Variants in NPAS3 observed in about 807,000 individuals in gnomAD.
NPAS3 encodes the protein neuronal PAS domain protein 3, also known as neuronal PAS domain-containing protein 3.
In NPAS3, 14 loss-of-function variants were observed where a neutral mutation model predicts 73.1. That is an observed-to-expected ratio of 0.19 (90% CI 0.13 to 0.30). The LOEUF is 0.30. NPAS3 is among the 10% of genes least tolerant of loss of function. The probability of loss-of-function intolerance (pLI) is 1.00; values close to 1 mark genes in which losing one functional copy is unlikely to be tolerated. For missense variants in NPAS3, 1,096 were observed against 1,250.0 expected, an observed-to-expected ratio of 0.88 and a Z score of 1.86; for synonymous variants, 620 against 541.5, an observed-to-expected ratio of 1.14 and a Z score of -2.01.
chr14:33,753,369 A>AAAAAAAAAAAC (rs2062020724), intron 7 of NPAS3, among the ~76,000 whole-genome samples: 1 of 152,060 alleles, frequency 6.6e-6, no homozygotes, highest in African/African-American at 2.4e-5. Flanking sequence ...AAAAAAAAAA[A>AAAAAAAAAAAC]AAAACGTACA....
intron 5 of NPAS3, among the ~76,000 whole-genome samples, chr14:33,613,941 G>C (rs2057834481): frequency 1.3e-5 from 2 of 152,108 alleles, no homozygotes; most frequent in Admixed American, 1.3e-4. Flanking sequence ...CAACCTGTCA[G>C]ATTCCAAATT....
chr14:32,992,080 G>C lies in NPAS3; in HGVS notation c.50+52714G>C, dbSNP rs555457501. On this transcript the variant is annotated intron_variant, in intron 1 of 11. Transcript: ENST00000356141. The stretch of plus-strand genomic sequence containing the variant: ...GGCCCAGTGAGCCTGGAGTCAGAAT[G>C]GGGGAGTTGGAGGAATCAAACTGTG... Among the ~76,000 whole-genome samples the C allele has an allele frequency of 7.3e-4, 111 of 152,308 alleles. 1 individual carries two copies. The highest frequency in any genetic ancestry group is 2.6e-3 in the African/African-American group (107 of 41,566).
At chr14:33,318,798 G>T (rs1185996750) in intron 3 of NPAS3, among the ~76,000 whole-genome samples, 1 of 152,040 alleles carries the variant, frequency 6.6e-6, no homozygotes, top group Non-Finnish European at 1.5e-5. Context: ...TATCCTTCAA[G>T]TTACAACTTA....
chr14:33,245,951 A>T (rs1333045166), intron 3 of NPAS3, among the ~76,000 whole-genome samples: 1 of 151,468 alleles, frequency 6.6e-6, no homozygotes, highest in East Asian at 1.9e-4. Flanking sequence ...CTGGCTCACC[A>T]ACTTCCATGA....
intron 5 of NPAS3, among the ~76,000 whole-genome samples, chr14:33,564,896 C>G (rs2055850107): frequency 6.6e-6 from 1 of 152,140 alleles, no homozygotes; most frequent in Non-Finnish European, 1.5e-5. Flanking sequence ...AGAAAATACC[C>G]TACGTGCCAG....
chr14:33,467,451 G>A (rs1278033477), intron 4 of NPAS3, among the ~76,000 whole-genome samples: 1 of 152,200 alleles, frequency 6.6e-6, no homozygotes, highest in Non-Finnish European at 1.5e-5. Flanking sequence ...ACTATACACT[G>A]GAGGAGGAAA....
intron 1 of NPAS3, among the ~76,000 whole-genome samples, chr14:32,980,115 C>T (rs1022780819): frequency 6.6e-6 from 1 of 152,160 alleles, no homozygotes; most frequent in African/African-American, 2.4e-5. Context: ...TACATTTCCT[C>T]TTGTGTGTCT....
At chr14:33,609,740 T>G (rs1475622095) in intron 5 of NPAS3, among the ~76,000 whole-genome samples, 1 of 152,100 alleles carries the variant, frequency 6.6e-6, no homozygotes, top group African/African-American at 2.4e-5. Flanking sequence ...TAATTCTTAT[T>G]CTTTTTCATC....
rs1179226321 is a variant in NPAS3, at chr14:33,070,114, A to AT, written c.140+14124dup. On this transcript the variant is annotated intron_variant, in intron 2 of 11. Coordinates refer to ENST00000356141, the Ensembl canonical transcript of NPAS3. Reference sequence around the variant, plus strand: ...AATGTGTATTAAAATGAGAAAAATAATTTTCAGGATAGATATGACTCCTAG... The same window carrying AT: ...AATGTGTATTAAAATGAGAAAAATAATTTTTCAGGATAGATATGACTCCTAG... 2.0e-5 allele frequency among the ~76,000 whole-genome samples: 3 copies of AT among 152,182 alleles called. No homozygotes were observed. In the East Asian group the frequency reaches 5.8e-4, roughly 29 times the overall value.
chr14:33,154,449 CA>C (rs1429670945), intron 2 of NPAS3, among the ~76,000 whole-genome samples: 1 of 152,178 alleles, frequency 6.6e-6, no homozygotes, highest in African/African-American at 2.4e-5. Flanking sequence ...CCCCATCGAC[CA>C]GGTGTCTCCT....
chr14:33,462,476 G>A (rs2050316943), intron 4 of NPAS3, among the ~76,000 whole-genome samples: 1 of 152,164 alleles, frequency 6.6e-6, no homozygotes, highest in Admixed American at 6.5e-5. Flanking sequence ...AAGACCCTCT[G>A]AAGTTCTCAT....
At chr14:33,576,984 T>C (rs1264293411) in intron 5 of NPAS3, among the ~76,000 whole-genome samples, 6 of 152,134 alleles carry the variant, frequency 3.9e-5, no homozygotes, top group Non-Finnish European at 8.8e-5. Context: ...AAATTAATAT[T>C]CCTATTTTAA....
intron 1 of NPAS3, among the ~76,000 whole-genome samples, chr14:32,939,626 A>AG (rs2035889034): frequency 6.8e-6 from 1 of 146,840 alleles, no homozygotes; most frequent in African/African-American, 2.5e-5. Context: ...TCACTGACAA[A>AG]AAAAAAAAAA....
intron 4 of NPAS3, among the ~76,000 whole-genome samples, chr14:33,388,735 C>T (rs2046878218): frequency 6.6e-6 from 1 of 152,092 alleles, no homozygotes; most frequent in Non-Finnish European, 1.5e-5. Flanking sequence ...AGCTAAGGAA[C>T]TTATTCAAAT....
intron 3 of NPAS3, among the ~76,000 whole-genome samples, chr14:33,266,985 AAGGC>A (rs2040848444): frequency 6.6e-6 from 1 of 152,180 alleles, no homozygotes; most frequent in Non-Finnish European, 1.5e-5. Flanking sequence ...CTGACTTAGC[AAGGC>A]AAAGAATTGT....
chr14:33,484,946 C>T (rs139040268), intron 4 of NPAS3, among the ~76,000 whole-genome samples: 1 of 152,244 alleles, frequency 6.6e-6, no homozygotes, highest in East Asian at 1.9e-4. Context: ...GGAAACCCAG[C>T]TCATCGGGCA....
intron 9 of NPAS3, among the ~76,000 whole-genome samples, chr14:33,789,840 C>T (rs957078995): frequency 6.6e-6 from 1 of 151,884 alleles, no homozygotes; most frequent in Non-Finnish European, 1.5e-5. Flanking sequence ...CCGCCCGCCT[C>T]GGCCTCCCAA....
chr14:33,657,246 T>C (rs866820715), intron 5 of NPAS3, among the ~76,000 whole-genome samples: 19 of 152,306 alleles, frequency 1.2e-4, no homozygotes, highest in South Asian at 4.2e-4. Context: ...TCTCAGGTCT[T>C]TAGTCTGACA....
At chr14:33,699,518 G>A (rs910115132) in intron 6 of NPAS3, among the ~76,000 whole-genome samples, 9 of 152,156 alleles carry the variant, frequency 5.9e-5, no homozygotes, top group East Asian at 1.9e-4. Flanking sequence ...GGCTGCATTC[G>A]TGGAAGAGGA....
Sources: allele counts gnomAD v4.1 joint callset (sites outside exome capture counted in the v4.1 genomes callset), GRCh38; gene constraint gnomAD v4.1.1; transcripts MANE v1.5; gene names NCBI Gene and HGNC (gene_info 2026-07-23, HGNC 2026-07-21).